KLHDC1: variants seen among roughly 807,000 people sequenced by gnomAD.
The protein encoded by KLHDC1 is kelch domain containing 1, also known as kelch domain-containing protein 1.
Under a neutral mutation model 68.3 loss-of-function variants are expected in KLHDC1, and 53 were observed. The ratio of observed to expected loss-of-function variants is 0.78; its 90% CI spans 0.62 to 0.98. The LOEUF (loss-of-function observed/expected upper bound fraction) is 0.98, where lower values mean the gene tolerates loss of function less well. Among genes scored for constraint, KLHDC1 ranks in the 50% least tolerant of loss-of-function variants. The pLI, the probability that KLHDC1 is intolerant of heterozygous loss-of-function variation, is 0.00. For missense variants in KLHDC1, 470 were observed against 492.3 expected (o/e 0.95, Z 0.43); for synonymous variants, 148 against 159.0 (o/e 0.93, Z 0.52).
intron 4 of KLHDC1, among the ~76,000 whole-genome samples, chr14:49,715,874 G>T (rs183206453): frequency 0.011 from 1,582 of 150,152 alleles, 15 homozygotes; most frequent in Admixed American, 0.015. Context: ...TTTTGAAGTC[G>T]TTTGAGGTTT....
chr14:49,749,566 T>C (rs1393446442), intron 12 of KLHDC1, among the ~76,000 whole-genome samples: 4 of 150,302 alleles, frequency 2.7e-5, no homozygotes, highest in Non-Finnish European at 5.9e-5. Flanking sequence ...TAGTCCCAGC[T>C]ACTCGGGAGG....
intron 4 of KLHDC1, among the ~76,000 whole-genome samples, chr14:49,713,283 G>A (rs1287325283): frequency 6.6e-6 from 1 of 152,068 alleles, no homozygotes; most frequent in Non-Finnish European, 1.5e-5. Context: ...ACATTAGTAG[G>A]CACATAATGT....
At chr14:49,729,462 T>C in intron 7 of KLHDC1, 28 bp from the exon 8 acceptor site, 1 of 1,510,194 alleles carries the variant, frequency 6.6e-7, no homozygotes, top group Non-Finnish European at 9.2e-7. Context: ...TGTGAAATAC[T>C]GACCAATGTA....
chr14:49,701,820 G>A (rs564125403), intron 1 of KLHDC1, among the ~76,000 whole-genome samples: 19 of 152,106 alleles, frequency 1.2e-4, no homozygotes, highest in African/African-American at 4.3e-4. Context: ...GATCACCTGA[G>A]GTCTGGAGTT....
At chr14:49,729,045 C>A in intron 7 of KLHDC1, 36 bp downstream of exon 7, 2 of 1,334,020 alleles carry the variant, frequency 1.5e-6, no homozygotes, top group Non-Finnish European at 2.2e-6. Context: ...TTTTTATGTG[C>A]AATGCTCCTT....
Position 49,696,612 on chromosome 14 carries a change from G to C in KLHDC1, c.96+3322G>C, listed in dbSNP as rs117003161. ...AGAGTTAAGACCCTCTTCTGAGTTA[G>C]GCTCAGGCCTAAGGGAATGTTGTGG... On this transcript the variant is annotated intron_variant, in intron 1 of 12. Coordinates refer to ENST00000359332, the MANE Select transcript of KLHDC1 (RefSeq NM_172193.3). 7.6e-4 allele frequency among the ~76,000 whole-genome samples: 116 copies of C among 152,290 alleles called. No individual in the cohort carries two copies. In the East Asian group the frequency reaches 0.014, roughly 19 times the overall value.
At chr14:49,736,236 A>G (rs1262941444) in intron 10 of KLHDC1, among the ~76,000 whole-genome samples, 1 of 152,220 alleles carries the variant, frequency 6.6e-6, no homozygotes, top group Admixed American at 6.5e-5. Flanking sequence ...TGTTAGTTAG[A>G]ACTAGAGCTA....
At chr14:49,711,730 G>A (rs2139740071) in intron 4 of KLHDC1, among the ~76,000 whole-genome samples, 1 of 151,834 alleles carries the variant, frequency 6.6e-6, no homozygotes, top group South Asian at 2.1e-4. Context: ...TGTTTTAAGG[G>A]TTTTCTTCAT....
At chr14:49,730,721 C>T (rs1050018607) in intron 8 of KLHDC1, among the ~76,000 whole-genome samples, 1 of 152,094 alleles carries the variant, frequency 6.6e-6, no homozygotes, top group African/African-American at 2.4e-5. Context: ...ACCTGTAATC[C>T]CAGCACTTTG....
At chr14:49,745,516 T>G (rs1213298550) in intron 12 of KLHDC1, among the ~76,000 whole-genome samples, 2 of 152,132 alleles carry the variant, frequency 1.3e-5, no homozygotes, top group Non-Finnish European at 1.5e-5. Context: ...GCTTCCAGAC[T>G]TTTTCTACAA....
At chr14:49,693,748 C>CTTATTTTTTTTTTTTT (rs1887645004) in intron 1 of KLHDC1, among the ~76,000 whole-genome samples, 1 of 61,540 alleles carries the variant, frequency 1.6e-5, no homozygotes, top group Non-Finnish European at 3.4e-5. Flanking sequence ...TTTTCTTTTT[C>CTTATTTTTTTTTTTTT]TTTTTTTTTT....
At position 49,728,919 on chromosome 14, in the gene KLHDC1, C is replaced by G. The variant is rs746347897; in HGVS notation, c.568-7C>G. The stretch of plus-strand genomic sequence containing the variant: ...TCTTTGCAGTCTGTTCTGATTTCTA[C>G]TTGCAGGGTGGAGTTCCACCACAGC... On this transcript the variant is annotated splice_polypyrimidine_tract_variant and splice_region_variant and intron_variant, in intron 6 of 12. Transcript: ENST00000359332. 3 of 1,599,700 alleles carry G rather than the reference C, an allele frequency of 1.9e-6. No individual in the cohort carries two copies. The highest frequency in any genetic ancestry group is 2.6e-6 in the Non-Finnish European group (3 of 1,166,798).
At chr14:49,713,807 T>A (rs1399676981) in intron 4 of KLHDC1, among the ~76,000 whole-genome samples, 1 of 3,038 alleles carries the variant, frequency 3.3e-4, no homozygotes, top group Non-Finnish European at 5.3e-4. Context: ...GGTATATATA[T>A]ATATATATAT....
chr14:49,693,313 G>T (rs1419418728), intron 1 of KLHDC1, 23 bp downstream of exon 1: 7 of 1,445,036 alleles, frequency 4.8e-6, no homozygotes, highest in Non-Finnish European at 6.4e-6. Flanking sequence ...GGCGGGACGG[G>T]GTAGACTCGC....
At chr14:49,721,383 A>G (rs1457611229) in intron 4 of KLHDC1, among the ~76,000 whole-genome samples, 2 of 151,612 alleles carry the variant, frequency 1.3e-5, no homozygotes, top group Admixed American at 1.3e-4. Flanking sequence ...AGGTCTCCTT[A>G]TGTTGCCCAG....
chr14:49,725,767 A>C lies in KLHDC1; in HGVS notation c.565A>C (p.Lys189Gln). 1 of 1,509,392 alleles carries C rather than the reference A, an allele frequency of 6.6e-7. No homozygotes were observed. The highest frequency in any genetic ancestry group is 9.1e-7 in the Non-Finnish European group (1 of 1,099,780). 93.5% of individuals were successfully genotyped at this position (1,509,392 alleles called of 1,614,324 possible). A position where few individuals can be genotyped will look rare whatever the true frequency, so the allele number is the denominator to read the frequency against. ...ACAGACTTGGTTTCAACCAGAAATT[A>C]AAGTAAGTGTGGTAAAAAGTCATCT... Reference protein sequence around the residue: ...KTQTWFQPEIKGGVPPQPRAA... With the variant: ...KTQTWFQPEIQGGVPPQPRAA... The change falls in exon 6 of 13, where the codon AAA (lysine) becomes CAA (glutamine). Residue 189 changes from lysine (K) to glutamine (Q), a missense_variant and splice_region_variant. Lys to Gln is a moderately conservative substitution (Grantham distance 53, BLOSUM62 1). Transcript: ENST00000359332.
intron 12 of KLHDC1, among the ~76,000 whole-genome samples, chr14:49,745,196 C>T (rs1254248813): frequency 2.0e-5 from 3 of 152,160 alleles, no homozygotes; most frequent in African/African-American, 2.4e-5. Flanking sequence ...ATAACATGAA[C>T]CACCTGAAAA....
intron 12 of KLHDC1, among the ~76,000 whole-genome samples, chr14:49,749,919 G>A (rs181448046): frequency 3.3e-5 from 5 of 152,120 alleles, no homozygotes; most frequent in East Asian, 3.9e-4. Context: ...TTAGCCAGGC[G>A]TGGTGTGGCA....
intron 5 of KLHDC1, 140 bp from the exon 6 acceptor site, chr14:49,725,546 C>T (rs1408562970): frequency 5.3e-6 from 3 of 570,044 alleles, no homozygotes; most frequent in Non-Finnish European, 9.2e-6. Context: ...CCCGTGTATC[C>T]GTTGGCTTTG....
Sources: allele counts gnomAD v4.1 joint callset (sites outside exome capture counted in the v4.1 genomes callset), GRCh38; gene constraint gnomAD v4.1.1; transcripts MANE v1.5; gene names NCBI Gene and HGNC (gene_info 2026-07-23, HGNC 2026-07-21).